Variants in FBXO22 observed in about 807,000 individuals in gnomAD.
FBXO22 encodes the protein F-box only protein 22.
A neutral mutation model predicts 37.2 loss-of-function variants in FBXO22; 13 were observed. The ratio of observed to expected loss-of-function variants is 0.35; its 90% CI spans 0.23 to 0.56. The LOEUF is 0.56. Ranked by LOEUF, FBXO22 falls within the 20% of genes least tolerant of loss-of-function variation. FBXO22 has a pLI of 0.87. For synonymous variants in FBXO22, 189 were observed against 189.1 expected, an observed-to-expected ratio of 1.00 and a Z score of 0.00; for missense variants, 446 against 509.9, an observed-to-expected ratio of 0.87 and a Z score of 1.21.
In FBXO22 at chr15:75,930,843, G is replaced by T. The variant is rs529663576; in HGVS notation, c.794+794G>T. 244 of 985,252 alleles carry T rather than the reference G, an allele frequency of 2.5e-4. 1 individual carries two copies. The African/African-American group carries it at 4.0e-3, about 16-fold the overall frequency. 61.0% of individuals were successfully genotyped at this position (985,252 alleles called of 1,614,324 possible). A position where few individuals can be genotyped will look rare whatever the true frequency, so the allele number is the denominator to read the frequency against. On this transcript the variant is annotated intron_variant, in intron 6 of 6. Transcript: ENST00000308275. ...TTTAATATTTGCATCCTAGAGTGGT[G>T]ACATGGGGACAGACTGTTGCAGATC... is the stretch of plus-strand genomic sequence containing the variant.
Position 75,940,553 on chromosome 15 carries a change from A to G in FBXO22, c.*7451A>G, listed in dbSNP as rs1334140287. Reference sequence around the variant, plus strand: ...GCCAAGTCAGTCTTGAGAAAGAAGAACAAATTGGAGGACTTAAACCTGCAG... The same window carrying G: ...GCCAAGTCAGTCTTGAGAAAGAAGAGCAAATTGGAGGACTTAAACCTGCAG... On this transcript the variant is annotated 3_prime_UTR_variant, in exon 7 of 7. Transcript: ENST00000308275. 7 of 152,004 alleles carry G rather than the reference A, an allele frequency of 4.6e-5. No individual in the cohort carries two copies. Among genetic ancestry groups the G allele is most frequent in the African/African-American group, 1.7e-4 (7 of 41,376 alleles). The allele number at this position is 152,004 out of a possible 1,614,324, so 9.4% of individuals were successfully genotyped here.
chr15:75,919,443 TAAA>T (rs1900271057), intron 5 of FBXO22, among the ~76,000 whole-genome samples: 1 of 152,182 alleles, frequency 6.6e-6, no homozygotes, highest in Non-Finnish European at 1.5e-5. Context: ...ATCTGTCAGT[TAAA>T]AAATAAATAG....
chr15:75,908,759 C>CA (rs1171567630), intron 2 of FBXO22, among the ~76,000 whole-genome samples: 1 of 152,128 alleles, frequency 6.6e-6, no homozygotes, highest in Admixed American at 6.6e-5. Flanking sequence ...CCAAAATGTC[C>CA]AGTTTTTAAA....
chr15:75,927,797 C>T (rs1318169340), intron 5 of FBXO22, among the ~76,000 whole-genome samples: 1 of 152,152 alleles, frequency 6.6e-6, no homozygotes, highest in Non-Finnish European at 1.5e-5. Context: ...AGTAATTGGT[C>T]ATTCACGCAT....
At chr15:75,904,286 C>T in intron 1 of FBXO22, 183 bp downstream of exon 1, 2 of 1,106,286 alleles carry the variant, frequency 1.8e-6, no homozygotes, top group Non-Finnish European at 2.5e-6. Flanking sequence ...GGGGGGACTT[C>T]CCTGAGGGGC....
rs2030637704 is a variant in FBXO22, at chr15:75,938,769, A to AG, written c.*5668dup. 1 of 152,222 alleles carries AG rather than the reference A, an allele frequency of 6.6e-6. No homozygotes were observed. The highest frequency in any genetic ancestry group is 2.4e-5 in the African/African-American group (1 of 41,466). 9.4% of individuals were successfully genotyped at this position (152,222 alleles called of 1,614,324 possible). ...ATACATATCACACACAAAGAAGTGAAGAAGATATGGTGCATTTTTGAACCA... is the reference window on the plus strand; with the variant it reads ...ATACATATCACACACAAAGAAGTGAAGGAAGATATGGTGCATTTTTGAACCA... On this transcript the variant is annotated 3_prime_UTR_variant, in exon 7 of 7. Coordinates refer to ENST00000308275, the MANE Select transcript of FBXO22 (RefSeq NM_147188.3).
chr15:75,909,273 G>C (rs1235999999), intron 2 of FBXO22, among the ~76,000 whole-genome samples: 1 of 152,162 alleles, frequency 6.6e-6, no homozygotes, highest in African/African-American at 2.4e-5. Context: ...AGGGAGTTTA[G>C]GAAAAGGTTT....
chr15:75,936,407 T>C lies in FBXO22; in HGVS notation c.*3305T>C, dbSNP rs1204547114. On this transcript the variant is annotated 3_prime_UTR_variant, in exon 7 of 7. Coordinates refer to ENST00000308275, the MANE Select transcript of FBXO22 (RefSeq NM_147188.3). ...GTGATACCAGAAAGTTACTTTAATATTGACCCTATATAGGGAAGAATAATC... is the reference window on the plus strand; with the variant it reads ...GTGATACCAGAAAGTTACTTTAATACTGACCCTATATAGGGAAGAATAATC... 6.6e-6 allele frequency: 1 copy of C among 152,210 alleles called. No homozygotes were observed. The highest frequency in any genetic ancestry group is 1.5e-5 in the Non-Finnish European group (1 of 68,032). 9.4% of individuals were successfully genotyped at this position (152,210 alleles called of 1,614,324 possible).
intron 5 of FBXO22, among the ~76,000 whole-genome samples, chr15:75,928,850 C>G (rs2029901671): frequency 6.6e-6 from 1 of 152,196 alleles, no homozygotes. Flanking sequence ...CTAGCGGTAG[C>G]AGCTTTTAGT....
At position 75,913,202 on chromosome 15, in the gene FBXO22, G is replaced by A. The variant is rs1567052464; in HGVS notation, c.280-1G>A. Reference sequence around the variant, plus strand: ...TTCCAATTTTTTTTTTTTCTTTGCAGAATGTTCGCATCTTACCACATACAG... The same window carrying A: ...TTCCAATTTTTTTTTTTTCTTTGCAAAATGTTCGCATCTTACCACATACAG... On this transcript the variant is annotated splice_acceptor_variant, in intron 2 of 6. Transcript: ENST00000308275. LOFTEE classifies it high-confidence loss of function. 6.3e-7 allele frequency: 1 copy of A among 1,597,754 alleles called. No homozygotes were observed. The highest frequency in any genetic ancestry group is 1.7e-5 in the Admixed American group (1 of 59,184).
At chr15:75,911,744 A>C (rs538090135) in intron 2 of FBXO22, among the ~76,000 whole-genome samples, 2 of 151,954 alleles carry the variant, frequency 1.3e-5, no homozygotes, top group South Asian at 2.1e-4. Flanking sequence ...TTCCTATTTG[A>C]ATATGCTTTA....
chr15:75,904,249 C>A, intron 1 of FBXO22, 146 bp downstream of exon 1: 1 of 1,227,258 alleles, frequency 8.1e-7, no homozygotes, highest in Non-Finnish European at 1.1e-6. Flanking sequence ...CCCCTACCCG[C>A]GAGGTATCTC....
chr15:75,908,787 C>T (rs983508000), intron 2 of FBXO22, among the ~76,000 whole-genome samples: 3 of 152,218 alleles, frequency 2.0e-5, no homozygotes, highest in African/African-American at 7.2e-5. Context: ...TGGAAATCCA[C>T]ATTTTATGTA....
intron 5 of FBXO22, among the ~76,000 whole-genome samples, chr15:75,927,200 G>C (rs1268491111): frequency 6.6e-6 from 1 of 152,150 alleles, no homozygotes; most frequent in Non-Finnish European, 1.5e-5. Context: ...AGAGAGGATG[G>C]TGCTTCGCTT....
rs1237690179 is a variant in FBXO22 at position 75,935,086 on chromosome 15, C to T, written c.*1984C>T. The T allele has an allele frequency of 6.6e-6, 1 of 152,112 alleles. No homozygotes were observed. Among genetic ancestry groups the T allele is most frequent in the Non-Finnish European group, 1.5e-5 (1 of 68,022 alleles). The allele number at this position is 152,112 out of a possible 1,614,324, so 9.4% of individuals were successfully genotyped here. ...TGCAAAGTAAAAAGGGAAAAGTTGA[C>T]CTAATAGAAACAATAGTAGTATTGA... On this transcript the variant is annotated 3_prime_UTR_variant, in exon 7 of 7. Coordinates refer to ENST00000308275, the MANE Select transcript of FBXO22 (RefSeq NM_147188.3).
chr15:75,914,820 A>G (rs1900145983), intron 4 of FBXO22, among the ~76,000 whole-genome samples: 1 of 152,134 alleles, frequency 6.6e-6, no homozygotes, highest in Non-Finnish European at 1.5e-5. Context: ...CAAGTTACCT[A>G]ACTTCATGGG....
chr15:75,930,721 A>C lies in FBXO22; in HGVS notation c.794+672A>C, dbSNP rs904031205. The C allele has an allele frequency of 1.1e-5, 11 of 985,342 alleles. No homozygotes were observed. The African/African-American group carries it at 1.6e-4, about 14-fold the overall frequency. The allele number at this position is 985,342 out of a possible 1,614,324, so 61.0% of individuals were successfully genotyped here. ...ATACATATCATTTTGAGTTTGAAAC[A>C]ATTAGGTGGACATAAATATCATTTG... is the stretch of plus-strand genomic sequence containing the variant. On this transcript the variant is annotated intron_variant, in intron 6 of 6. Coordinates refer to ENST00000308275, the MANE Select transcript of FBXO22 (RefSeq NM_147188.3).
rs2030717345 is a variant in FBXO22 at position 75,939,492 on chromosome 15, G to T, written c.*6390G>T. On this transcript the variant is annotated 3_prime_UTR_variant, in exon 7 of 7. Transcript: ENST00000308275. ...ATTTGTGAATTCTACCAAATAAGAA[G>T]AAATAACCCCAATCCCTTCTAACTT... is the stretch of plus-strand genomic sequence containing the variant. 6.6e-6 allele frequency: 1 copy of T among 152,110 alleles called. No individual in the cohort carries two copies. The highest frequency in any genetic ancestry group is 1.9e-4 in the East Asian group (1 of 5,196). 9.4% of individuals were successfully genotyped at this position (152,110 alleles called of 1,614,324 possible). A position where few individuals can be genotyped will look rare whatever the true frequency, so the allele number is the denominator to read the frequency against.
rs1356309354 is a variant in FBXO22 at position 75,934,609 on chromosome 15, C to T, written c.*1507C>T. 6.6e-6 allele frequency: 1 copy of T among 151,762 alleles called. No homozygotes were observed. Among genetic ancestry groups the T allele is most frequent in the African/African-American group, 2.4e-5 (1 of 41,276 alleles). The allele number at this position is 151,762 out of a possible 1,614,324, so 9.4% of individuals were successfully genotyped here. On this transcript the variant is annotated 3_prime_UTR_variant, in exon 7 of 7. Coordinates refer to ENST00000308275, the MANE Select transcript of FBXO22 (RefSeq NM_147188.3). The stretch of plus-strand genomic sequence containing the variant: ...TATGATAAAAATGCTTGGAAGAGTC[C>T]TTTAATTTATGGTTATTCTAAATCC...
Sources: allele counts gnomAD v4.1 joint callset (sites outside exome capture counted in the v4.1 genomes callset), GRCh38; gene constraint gnomAD v4.1.1; transcripts MANE v1.5; gene names NCBI Gene and HGNC (gene_info 2026-07-23, HGNC 2026-07-21).